KRAS: variants seen among roughly 807,000 people sequenced by gnomAD.
The protein encoded by KRAS is GTPase KRas.
A neutral mutation model predicts 21.0 loss-of-function variants in KRAS; 1 was observed. The observed-to-expected ratio is 0.05, with a 90% CI of 0.02 to 0.23. KRAS has a LOEUF of 0.23. KRAS is among the 10% of genes least tolerant of loss of function. KRAS has a pLI of 1.00. For synonymous variants in KRAS, 67 were observed against 72.5 expected (o/e 0.92, Z 0.39); for missense variants, 107 against 221.8 (o/e 0.48, Z 3.29).
chr12:25,233,335 G>T (rs1310467909), intron 2 of KRAS, among the ~76,000 whole-genome samples: 1 of 152,106 alleles, frequency 6.6e-6, no homozygotes, highest in African/African-American at 2.4e-5. Context: ...TGGATCACCT[G>T]AGGTCAAGAG....
chr12:25,227,856 C>G (rs1951412533), intron 2 of KRAS, among the ~76,000 whole-genome samples: 1 of 151,934 alleles, frequency 6.6e-6, no homozygotes. Flanking sequence ...GGTATATAAC[C>G]AAAATAACTA....
At chr12:25,210,265 C>T (rs1383025751) in intron 4 of KRAS, among the ~76,000 whole-genome samples, 5 of 152,102 alleles carry the variant, frequency 3.3e-5, no homozygotes, top group Non-Finnish European at 1.5e-5. Flanking sequence ...TGTGTGTGTA[C>T]ACTTAATTGT....
In KRAS at chr12:25,250,899, T is replaced by TGCTGCCTCCGCCGCC. The variant is rs1249941492; in HGVS notation, c.-175_-161dup. The TGCTGCCTCCGCCGCC allele has an allele frequency of 5.3e-5, 13 of 247,050 alleles. No individual in the cohort carries two copies. The highest frequency in any genetic ancestry group is 4.1e-4 in the Admixed American group (7 of 17,280). The allele number at this position is 247,050 out of a possible 1,614,324, so 15.3% of individuals were successfully genotyped here. The stretch of plus-strand genomic sequence containing the variant: ...TCGCCGCCGCCACTGCCGCCGCCGC[T>TGCTGCCTCCGCCGCC]GCTGCCTCCGCCGCCGCGGCCGCCG... On this transcript the variant is annotated 5_prime_UTR_variant, in exon 1 of 5. Transcript: ENST00000311936.
In KRAS at chr12:25,208,681, G is replaced by A; in HGVS notation, c.*1114C>T. Reference sequence around the variant, plus strand: ...TGTATCTTGTTGAGCTATCCAAACTGCCCTAGTCCCTCCCCATTTTGACTA... The same window carrying A: ...TGTATCTTGTTGAGCTATCCAAACTACCCTAGTCCCTCCCCATTTTGACTA... On this transcript the variant is annotated 3_prime_UTR_variant, in exon 5 of 5. Transcript: ENST00000311936. 4.3e-6 allele frequency: 1 copy of A among 232,780 alleles called. No individual in the cohort carries two copies. Among genetic ancestry groups the A allele is most frequent in the East Asian group, 6.1e-5 (1 of 16,464 alleles). 14.4% of individuals were successfully genotyped at this position (232,780 alleles called of 1,614,324 possible).
At chr12:25,236,833 G>GT (rs1202767565) in intron 2 of KRAS, among the ~76,000 whole-genome samples, 3 of 152,016 alleles carry the variant, frequency 2.0e-5, no homozygotes, top group Non-Finnish European at 4.4e-5. Context: ...AAAACCACTT[G>GT]GCAGTTCCTC....
At chr12:25,218,239 A>C (rs561883384) in intron 4 of KRAS, among the ~76,000 whole-genome samples, 2 of 152,226 alleles carry the variant, frequency 1.3e-5, no homozygotes, top group Admixed American at 1.3e-4. Flanking sequence ...AAAAAAAAAA[A>C]AGTTATAATG....
At chr12:25,246,655 G>A (rs1158193432) in intron 1 of KRAS, among the ~76,000 whole-genome samples, 4 of 152,210 alleles carry the variant, frequency 2.6e-5, no homozygotes, top group Non-Finnish European at 5.9e-5. Context: ...GGTGGCTCAC[G>A]CCTATAATCC....
chr12:25,234,448 T>C (rs778943268), intron 2 of KRAS: 1 of 182,394 alleles, frequency 5.5e-6, no homozygotes, highest in Non-Finnish European at 1.2e-5. Context: ...CATTTTATCA[T>C]TACTTAAAAT....
intron 1 of KRAS, among the ~76,000 whole-genome samples, chr12:25,245,989 A>T (rs1036468563): frequency 3.9e-5 from 6 of 152,144 alleles, no homozygotes; most frequent in African/African-American, 1.4e-4. Flanking sequence ...GGATTGTGTC[A>T]TGGGGAAATA....
intron 2 of KRAS, among the ~76,000 whole-genome samples, chr12:25,233,175 G>C (rs1951497562): frequency 6.6e-6 from 1 of 152,072 alleles, no homozygotes; most frequent in African/African-American, 2.4e-5. Context: ...CAGGCAATCT[G>C]CAGCAATTGC....
At position 25,207,351 on chromosome 12, in the gene KRAS, T is replaced by TA. The variant is rs1274146344; in HGVS notation, c.*2443dup. The TA allele has an allele frequency of 1.2e-4, 23 of 188,054 alleles. No homozygotes were observed. The highest frequency in any genetic ancestry group is 5.4e-4 in the African/African-American group (23 of 42,764). The allele number at this position is 188,054 out of a possible 1,614,324, so 11.6% of individuals were successfully genotyped here. A position where few individuals can be genotyped will look rare whatever the true frequency, so the allele number is the denominator to read the frequency against. Reference sequence around the variant, plus strand: ...CAACAGGGTGAAACCCCGTCTCTCCTAAAAATACAAAAATTAGTTGAGTGT... The same window carrying TA: ...CAACAGGGTGAAACCCCGTCTCTCCTAAAAAATACAAAAATTAGTTGAGTGT... On this transcript the variant is annotated 3_prime_UTR_variant, in exon 5 of 5. Transcript: ENST00000311936.
intron 4 of KRAS, chr12:25,215,679 ACAT>A: frequency 1.3e-6 from 1 of 790,230 alleles, no homozygotes. Context: ...TTTTAAACAG[ACAT>A]CAGACTGTTT....
chr12:25,205,346 T>G lies in KRAS; in HGVS notation c.*4449A>C, dbSNP rs1340373249. ...GATCACTTCACAGCACATACTCCTATAAACATTTAAAAGTTAATTTCAATT... is the reference window on the plus strand; with the variant it reads ...GATCACTTCACAGCACATACTCCTAGAAACATTTAAAAGTTAATTTCAATT... On this transcript the variant is annotated 3_prime_UTR_variant, in exon 5 of 5. Transcript: ENST00000311936. 4.7e-6 allele frequency: 1 copy of G among 213,714 alleles called. No homozygotes were observed. The allele number at this position is 213,714 out of a possible 1,614,324, so 13.2% of individuals were successfully genotyped here. A position where few individuals can be genotyped will look rare whatever the true frequency, so the allele number is the denominator to read the frequency against.
chr12:25,230,557 G>C (rs956732397), intron 2 of KRAS, among the ~76,000 whole-genome samples: 1 of 152,164 alleles, frequency 6.6e-6, no homozygotes, highest in African/African-American at 2.4e-5. Context: ...GAACCCGGGA[G>C]GTGGAGGTTA....
intron 2 of KRAS, among the ~76,000 whole-genome samples, chr12:25,236,634 AAG>A (rs1951547711): frequency 6.6e-6 from 1 of 151,884 alleles, no homozygotes; most frequent in African/African-American, 2.4e-5. Flanking sequence ...GGGTGGAAAT[AAG>A]AGAGAGAAGA....
chr12:25,224,942 A>G (rs1951371609), intron 4 of KRAS, among the ~76,000 whole-genome samples: 1 of 152,148 alleles, frequency 6.6e-6, no homozygotes, highest in Non-Finnish European at 1.5e-5. Context: ...CCTATATGTT[A>G]AACTCTTCAT....
chr12:25,225,333 T>TATAC (rs1951378925), intron 4 of KRAS: 3 of 166,326 alleles, frequency 1.8e-5, no homozygotes, highest in African/African-American at 9.8e-5. Context: ...TATATATATA[T>TATAC]ATGTAACCAT....
chr12:25,246,122 C>G (rs1951676692), intron 1 of KRAS, among the ~76,000 whole-genome samples: 1 of 136,448 alleles, frequency 7.3e-6, no homozygotes, highest in Non-Finnish European at 1.5e-5. Context: ...GCACTCCAGC[C>G]TGGCGATAGA....
intron 2 of KRAS, among the ~76,000 whole-genome samples, chr12:25,238,399 A>G (rs945099806): frequency 2.0e-5 from 3 of 152,234 alleles, no homozygotes; most frequent in Non-Finnish European, 2.9e-5. Context: ...TATAATGTTC[A>G]TATTTTATAT....
Sources: allele counts gnomAD v4.1 joint callset (sites outside exome capture counted in the v4.1 genomes callset), GRCh38; gene constraint gnomAD v4.1.1; transcripts MANE v1.5; gene names NCBI Gene and HGNC (gene_info 2026-07-23, HGNC 2026-07-21).